Variants in SPTLC1 observed in about 807,000 individuals in gnomAD.
SPTLC1 encodes the protein serine palmitoyltransferase 1.
SPTLC1 carries 55 observed loss-of-function variants against 68.9 expected under a neutral mutation model. That is an observed-to-expected ratio of 0.80 (90% CI 0.64 to 1.00). The LOEUF (loss-of-function observed/expected upper bound fraction) is 1.00, where lower values mean the gene tolerates loss of function less well. Among genes scored for constraint, SPTLC1 ranks in the 50% least tolerant of loss-of-function variants. SPTLC1 has a pLI of 0.00. For synonymous variants in SPTLC1, 197 were observed against 201.6 expected, an observed-to-expected ratio of 0.98 and a Z score of 0.19; for missense variants, 449 against 573.1, an observed-to-expected ratio of 0.78 and a Z score of 2.21.
intron 3 of SPTLC1, among the ~76,000 whole-genome samples, chr9:92,103,210 G>A (rs1202182331): frequency 6.6e-6 from 1 of 152,126 alleles, no homozygotes; most frequent in Non-Finnish European, 1.5e-5. Context: ...CCCATCAGAC[G>A]AGAAAGAACA....
chr9:92,099,479 ACT>A (rs1835664990), intron 3 of SPTLC1, among the ~76,000 whole-genome samples: 1 of 128,080 alleles, frequency 7.8e-6, no homozygotes, highest in Admixed American at 7.6e-5. Context: ...TTTTTACTGT[ACT>A]TTTTTTTTTT....
At chr9:92,102,516 A>T (rs368687820) in intron 3 of SPTLC1, among the ~76,000 whole-genome samples, 2,010 of 152,330 alleles carry the variant, frequency 0.013, 19 homozygotes, top group South Asian at 0.026. Context: ...AAGGCAAAAA[A>T]GTACAAATTT....
chr9:92,114,032 G>A (rs1181058221), intron 1 of SPTLC1, among the ~76,000 whole-genome samples: 1 of 152,092 alleles, frequency 6.6e-6, no homozygotes, highest in Non-Finnish European at 1.5e-5. Flanking sequence ...CCAGCACTTT[G>A]GGAGGCCAAA....
intron 7 of SPTLC1, among the ~76,000 whole-genome samples, chr9:92,057,029 C>A (rs1833916686): frequency 1.3e-5 from 2 of 152,108 alleles, no homozygotes; most frequent in African/African-American, 4.8e-5. Flanking sequence ...TGGAAAAGTA[C>A]AAAAAACAAT....
rs150481933 is a variant in SPTLC1, at chr9:92,105,417, G to A, written c.260+3323C>T. 3,904 of 1,474,440 alleles carry A rather than the reference G, an allele frequency of 2.6e-3. 12 individuals are homozygous for A. Among genetic ancestry groups the A allele is most frequent in the Non-Finnish European group, 3.3e-3 (3,565 of 1,093,100 alleles). 91.3% of individuals were successfully genotyped at this position (1,474,440 alleles called of 1,614,324 possible). A position where few individuals can be genotyped will look rare whatever the true frequency, so the allele number is the denominator to read the frequency against. On this transcript the variant is annotated intron_variant, in intron 3 of 14. Transcript: ENST00000262554. ...GAGCTGCTTAGGAGGAGAAAGAAGA[G>A]ACAGCAGGGCAGGCGTGGTGGCCCA...
At chr9:92,051,275 T>C in intron 8 of SPTLC1, 1 of 984,682 alleles carries the variant, frequency 1.0e-6, no homozygotes, top group African/African-American at 1.7e-5. Flanking sequence ...AATAGACTCC[T>C]AGATTAAAAT....
intron 6 of SPTLC1, 64 bp downstream of exon 6, chr9:92,067,902 C>G: frequency 6.5e-7 from 1 of 1,549,818 alleles, no homozygotes; most frequent in Non-Finnish European, 8.9e-7. Context: ...TGAAGTATTT[C>G]TCTAAGACAG....
At chr9:92,049,258 T>C (rs1833622674) in intron 9 of SPTLC1, among the ~76,000 whole-genome samples, 1 of 152,200 alleles carries the variant, frequency 6.6e-6, no homozygotes, top group South Asian at 2.1e-4. Flanking sequence ...GCACAGCTCT[T>C]ATGCGCATGT....
chr9:92,079,535 C>G (rs748883151), intron 5 of SPTLC1: 4 of 1,613,748 alleles, frequency 2.5e-6, no homozygotes, highest in Non-Finnish European at 2.5e-6. Flanking sequence ...ATTATCCATA[C>G]ACAAGGAAAT....
At position 92,046,071 on chromosome 9, in the gene SPTLC1, G is replaced by A. The variant is rs756407686; in HGVS notation, c.1082-18C>T. 6.9e-6 allele frequency: 11 copies of A among 1,605,106 alleles called. No homozygotes were observed. Among genetic ancestry groups the A allele is most frequent in the Admixed American group, 6.7e-5 (4 of 59,778 alleles). ...AAAAATACCTAGATGAAAAAAATAC[G>A]TTTGAGAGTCTATTTGAAACTTATG... On this transcript the variant is annotated intron_variant, in intron 11 of 14. Coordinates refer to ENST00000262554, the MANE Select transcript of SPTLC1 (RefSeq NM_006415.4).
At chr9:92,033,011 G>A (rs1833025109) in intron 14 of SPTLC1, among the ~76,000 whole-genome samples, 1 of 152,108 alleles carries the variant, frequency 6.6e-6, no homozygotes. Context: ...AACCTCTCCT[G>A]GCAGTCCTCC....
chr9:92,095,046 C>CA (rs1455048222), intron 3 of SPTLC1, among the ~76,000 whole-genome samples: 4 of 152,034 alleles, frequency 2.6e-5, no homozygotes, highest in Admixed American at 2.0e-4. Context: ...AGTACTAACT[C>CA]AAAAATTGAC....
chr9:92,080,305 G>C (rs958681491), intron 4 of SPTLC1, among the ~76,000 whole-genome samples: 1 of 152,108 alleles, frequency 6.6e-6, no homozygotes, highest in East Asian at 1.9e-4. Flanking sequence ...CTGCATTTGT[G>C]GGCCAAGTCT....
chr9:92,107,041 T>C (rs1836023297), intron 3 of SPTLC1, among the ~76,000 whole-genome samples: 1 of 152,312 alleles, frequency 6.6e-6, no homozygotes, highest in African/African-American at 2.4e-5. Flanking sequence ...CCTAAATTAA[T>C]CCATAAATTC....
chr9:92,067,727 C>A (rs1297844346), intron 6 of SPTLC1, among the ~76,000 whole-genome samples: 1 of 152,210 alleles, frequency 6.6e-6, no homozygotes, highest in African/African-American at 2.4e-5. Flanking sequence ...AGGCAGATAG[C>A]TGTCCTCATC....
chr9:92,047,688 G>A lies in SPTLC1; in HGVS notation c.909C>T (p.Ile303=), dbSNP rs1438629337. 1.2e-6 allele frequency: 2 copies of A among 1,612,740 alleles called. No homozygotes were observed. Among genetic ancestry groups the A allele is most frequent in the Non-Finnish European group, 8.5e-7 (1 of 1,178,942 alleles). ...YGINIDDIDL[I]SANMENALAS... ...CAAGTGCATTCTCCATGTTGGCACT[G>A]ATAAGATCAATATCATCAATCTGCC... Residue 303 remains isoleucine, a synonymous_variant, in exon 10 of 15, where the codon ATC becomes ATT. Coordinates refer to ENST00000262554, the MANE Select transcript of SPTLC1 (RefSeq NM_006415.4).
chr9:92,105,289 G>C (rs1835916726), intron 3 of SPTLC1: 1 of 1,534,188 alleles, frequency 6.5e-7, no homozygotes, highest in Non-Finnish European at 8.7e-7. Flanking sequence ...CTGAGGCACT[G>C]TTGGTGGGTC....
Position 92,047,645 on chromosome 9 carries a change from A to T in SPTLC1, c.952T>A (p.Cys318Ser), listed in dbSNP as rs778271182. The stretch of plus-strand genomic sequence containing the variant: ...TCAATTACAAAAGACCTGCCACAGC[A>T]GAAACCTCCAATAGAAGCAAGTGCA... The part of the protein sequence containing the change: ...ENALASIGGF[C>S]CGRSFVIDHQ... The change falls in exon 10 of 15, where the codon TGC becomes AGC. Residue 318 changes from cysteine (C) to serine (S), a missense_variant. By Grantham distance (112) the Cys-to-Ser change is moderately radical. Transcript: ENST00000262554. 4 of 1,613,858 alleles carry T rather than the reference A, an allele frequency of 2.5e-6. No individual in the cohort carries two copies. The highest frequency in any genetic ancestry group is 3.4e-6 in the Non-Finnish European group (4 of 1,179,788).
intron 3 of SPTLC1, among the ~76,000 whole-genome samples, chr9:92,083,740 A>G (rs1371981203): frequency 1.3e-5 from 2 of 152,196 alleles, no homozygotes; most frequent in African/African-American, 2.4e-5. Context: ...TTTTGGTTCC[A>G]TATGAACTTT....
Sources: allele counts gnomAD v4.1 joint callset (sites outside exome capture counted in the v4.1 genomes callset), GRCh38; gene constraint gnomAD v4.1.1; transcripts MANE v1.5; gene names NCBI Gene and HGNC (gene_info 2026-07-23, HGNC 2026-07-21).